CLPP: variants seen among roughly 807,000 people sequenced by gnomAD.
CLPP encodes caseinolytic mitochondrial matrix peptidase proteolytic subunit.
A neutral mutation model predicts 27.4 loss-of-function variants in CLPP; 14 were observed. That is an observed-to-expected ratio of 0.51 (90% CI 0.34 to 0.80). The LOEUF (loss-of-function observed/expected upper bound fraction) is 0.80, where lower values mean the gene tolerates loss of function less well. Among genes scored for constraint, CLPP ranks in the 30% least tolerant of loss-of-function variants. The probability of loss-of-function intolerance (pLI) is 0.02; values close to 1 mark genes in which losing one functional copy is unlikely to be tolerated. For missense variants in CLPP, 361 were observed against 403.6 expected (o/e 0.89, Z 0.90); for synonymous variants, 193 against 166.6 (o/e 1.16, Z -1.22).
intron 2 of CLPP, chr19:6,362,179 A>C: frequency 1.7e-6 from 1 of 588,622 alleles, no homozygotes; most frequent in East Asian, 2.8e-5. Context: ...CGCTCCCCTC[A>C]TTCCTACGCT....
rs1332188896 is a variant in CLPP at position 6,368,622 on chromosome 19, C to T, written c.746C>T (p.Pro249Leu). Residue 249 changes from proline to leucine, a missense_variant, in exon 6 of 6, where the codon CCC (proline) becomes CTC (leucine). Coordinates refer to ENST00000245816, the MANE Select transcript of CLPP (RefSeq NM_006012.4). ...GILDKVLVHP[P>L]QDGEDEPTLV... ...TTAGACAAGGTTCTGGTCCACCCTCCCCAGGACGGTGAGGATGAGCCCACG... is the reference window on the plus strand; with the variant it reads ...TTAGACAAGGTTCTGGTCCACCCTCTCCAGGACGGTGAGGATGAGCCCACG... 6.2e-7 allele frequency: 1 copy of T among 1,612,394 alleles called. No individual in the cohort carries two copies. The highest frequency in any genetic ancestry group is 8.5e-7 in the Non-Finnish European group (1 of 1,179,378).
At position 6,369,414 on chromosome 19, in the gene CLPP, CAAA is replaced by C. The variant is rs61441319; in HGVS notation, c.*717_*719del. Among the ~76,000 whole-genome samples the C allele has an allele frequency of 2.6e-5, 3 of 115,152 alleles. No individual in the cohort carries two copies. Among genetic ancestry groups the C allele is most frequent in the Non-Finnish European group, 3.9e-5 (2 of 50,976 alleles). 75.5% of individuals were successfully genotyped at this position (115,152 alleles called of 152,430 possible). ...TGGGCAACAGAGCAAGGCTCTGTCT[CAAA>C]AAAAAAAAAAAACAAAAACAGGAAA... On this transcript the variant is annotated 3_prime_UTR_variant, in exon 6 of 6. Coordinates refer to ENST00000245816, the MANE Select transcript of CLPP (RefSeq NM_006012.4).
chr19:6,361,783 C>A lies in CLPP; in HGVS notation c.198+11C>A. On this transcript the variant is annotated intron_variant, in intron 1 of 5. Transcript: ENST00000245816. ...GTGGTGGAGCAGACGGTACGGCGGC[C>A]GGGCGGGGACACGGTTCGGGGGCTC... is the stretch of plus-strand genomic sequence containing the variant. 1.4e-6 allele frequency: 2 copies of A among 1,421,500 alleles called. No homozygotes were observed. Among genetic ancestry groups the A allele is most frequent in the Non-Finnish European group, 9.3e-7 (1 of 1,071,984 alleles). The allele number at this position is 1,421,500 out of a possible 1,614,324, so 88.1% of individuals were successfully genotyped here.
rs1471340035 is a variant in CLPP, at chr19:6,369,910, G to A, written c.*1200G>A. Among the ~76,000 whole-genome samples, 1 of 152,182 alleles carries A rather than the reference G, an allele frequency of 6.6e-6. No homozygotes were observed. The highest frequency in any genetic ancestry group is 2.4e-5 in the African/African-American group (1 of 41,446). On this transcript the variant is annotated 3_prime_UTR_variant, in exon 6 of 6. Transcript: ENST00000245816. ...GAGGAAGGAAAATAAGGATGACTAT[G>A]ACTCCTGAGGAGTGCACCATGAGCA...
At chr19:6,366,416 T>G (rs2091863011) in intron 5 of CLPP, 53 bp downstream of exon 5, 1 of 1,408,110 alleles carries the variant, frequency 7.1e-7, no homozygotes, top group South Asian at 1.2e-5. Flanking sequence ...GACCAGGCGT[T>G]GCTCTAAGCC....
chr19:6,370,126 AG>A lies in CLPP; in HGVS notation c.*1418del, dbSNP rs2145057128. On this transcript the variant is annotated 3_prime_UTR_variant, in exon 6 of 6. Coordinates refer to ENST00000245816, the MANE Select transcript of CLPP (RefSeq NM_006012.4). Reference sequence around the variant, plus strand: ...CGCCTGAGATGGGAAGTGTAGGCAAAGGAACAGGCTTGGGGAGGGATCAGGA... The same window carrying A: ...CGCCTGAGATGGGAAGTGTAGGCAAAGAACAGGCTTGGGGAGGGATCAGGA... 6.6e-6 allele frequency among the ~76,000 whole-genome samples: 1 copy of A among 152,348 alleles called. No homozygotes were observed. Among genetic ancestry groups the A allele is most frequent in the African/African-American group, 2.4e-5 (1 of 41,590 alleles).
At position 6,368,808 on chromosome 19, in the gene CLPP, C is replaced by T; in HGVS notation, c.*98C>T. Reference sequence around the variant, plus strand: ...CCCCTTGTTGCTGGGCTTGGAGGGGCCTCTTGAGGAACTTTTAATTTGCAG... The same window carrying T: ...CCCCTTGTTGCTGGGCTTGGAGGGGTCTCTTGAGGAACTTTTAATTTGCAG... On this transcript the variant is annotated 3_prime_UTR_variant, in exon 6 of 6. Transcript: ENST00000245816. 1 of 1,165,092 alleles carries T rather than the reference C, an allele frequency of 8.6e-7. No homozygotes were observed. The allele number at this position is 1,165,092 out of a possible 1,614,324, so 72.2% of individuals were successfully genotyped here.
At chr19:6,366,013 C>T (rs1046635981) in intron 4 of CLPP, among the ~76,000 whole-genome samples, 2 of 151,812 alleles carry the variant, frequency 1.3e-5, no homozygotes, top group African/African-American at 4.8e-5. Context: ...CAGAGAGACA[C>T]TGTTCCTCCC....
rs1313750003 is a variant in CLPP at position 6,361,753 on chromosome 19, C to T, written c.179C>T (p.Pro60Leu). ...GCGACCCGGGCTCTCCCGCTCATTCCCATCGTGGTGGAGCAGACGGTACGG... is the reference window on the plus strand; with the variant it reads ...GCGACCCGGGCTCTCCCGCTCATTCTCATCGTGGTGGAGCAGACGGTACGG... ...ATATRALPLI[P>L]IVVEQTGRGE... Residue 60 changes from proline to leucine, a missense_variant, in exon 1 of 6, where the codon CCC (proline) becomes CTC (leucine). Around this residue, in one of 2 missense-constraint regions of CLPP, gnomAD observed 148 missense variants for 122.6 expected, o/e 1.21. Coordinates refer to ENST00000245816, the MANE Select transcript of CLPP (RefSeq NM_006012.4). 1.3e-6 allele frequency: 2 copies of T among 1,533,100 alleles called. No individual in the cohort carries two copies. Among genetic ancestry groups the T allele is most frequent in the Admixed American group, 2.0e-5 (1 of 51,258 alleles). The allele number at this position is 1,533,100 out of a possible 1,614,324, so 95.0% of individuals were successfully genotyped here.
chr19:6,362,669 G>C lies in CLPP; in HGVS notation c.367+127G>C, dbSNP rs1479579368. 5.7e-6 allele frequency: 4 copies of C among 698,674 alleles called. No individual in the cohort carries two copies. In the East Asian group the frequency reaches 1.1e-4, roughly 19 times the overall value. The allele number at this position is 698,674 out of a possible 1,614,324, so 43.3% of individuals were successfully genotyped here. ...GGTGCAGAGCGTCAGAGTTCCAGAAGTGGCTTTAAACCACCAAAAGGTGCC... is the reference window on the plus strand; with the variant it reads ...GGTGCAGAGCGTCAGAGTTCCAGAACTGGCTTTAAACCACCAAAAGGTGCC... On this transcript the variant is annotated intron_variant, in intron 3 of 5. Transcript: ENST00000245816.
Position 6,368,761 on chromosome 19 carries a change from AC to A in CLPP, c.*56del, listed in dbSNP as rs2091874233. ...TGTGGAGGGGCCAGAGGCCTGCCAGACCCCCAGCTGGGCCCTGCTCACCCCT... is the reference window on the plus strand; with the variant it reads ...TGTGGAGGGGCCAGAGGCCTGCCAGACCCCAGCTGGGCCCTGCTCACCCCT... On this transcript the variant is annotated 3_prime_UTR_variant, in exon 6 of 6. Coordinates refer to ENST00000245816, the MANE Select transcript of CLPP (RefSeq NM_006012.4). The A allele has an allele frequency of 6.6e-7, 1 of 1,512,870 alleles. No individual in the cohort carries two copies. The highest frequency in any genetic ancestry group is 1.4e-5 in the African/African-American group (1 of 71,968). The allele number at this position is 1,512,870 out of a possible 1,614,324, so 93.7% of individuals were successfully genotyped here. A position where few individuals can be genotyped will look rare whatever the true frequency, so the allele number is the denominator to read the frequency against.
At chr19:6,362,281 T>C in intron 2 of CLPP, 165 bp from the exon 3 acceptor site, 1 of 553,626 alleles carries the variant, frequency 1.8e-6, no homozygotes, top group Non-Finnish European at 3.2e-6. Context: ...CCCTGGGTCC[T>C]CTCCACTACT....
intron 4 of CLPP, 42 bp from the exon 5 acceptor site, chr19:6,366,216 G>A (rs775611590): frequency 1.9e-5 from 27 of 1,424,654 alleles, no homozygotes; most frequent in Middle Eastern, 1.8e-4. Flanking sequence ...GGCTGACGCC[G>A]ATACCAACCT....
At chr19:6,361,839 G>C (rs776338771) in intron 1 of CLPP, 30 bp from the exon 2 acceptor site, 3 of 1,422,232 alleles carry the variant, frequency 2.1e-6, no homozygotes, top group Non-Finnish European at 2.9e-6. Context: ...TGGCTGCCCC[G>C]GCCCCTCACC....
At chr19:6,366,453 A>C (rs1272298783) in intron 5 of CLPP, 90 bp downstream of exon 5, 40 of 964,832 alleles carry the variant, frequency 4.1e-5, no homozygotes, top group Non-Finnish European at 6.0e-5. Flanking sequence ...GCCCCTGCGG[A>C]CTTTCAGGGC....
At chr19:6,364,130 A>G (rs546776100) in intron 3 of CLPP, among the ~76,000 whole-genome samples, 13 of 147,818 alleles carry the variant, frequency 8.8e-5, no homozygotes, top group African/African-American at 3.3e-4. Flanking sequence ...TCCCGGGTTC[A>G]CGCCATTCTG....
At position 6,368,564 on chromosome 19, in the gene CLPP, A is replaced by T; in HGVS notation, c.688A>T (p.Met230Leu). Residue 230 changes from methionine to leucine, a missense_variant, in exon 6 of 6, where the codon ATG (methionine) becomes TTG (leucine). Met to Leu is a conservative substitution (Grantham distance 15). Coordinates refer to ENST00000245816, the MANE Select transcript of CLPP (RefSeq NM_006012.4). ...GTCCGCCATGGAGAGGGACCGCTACATGAGCCCCATGGAGGCCCAGGAGTT... is the reference window on the plus strand; with the variant it reads ...GTCCGCCATGGAGAGGGACCGCTACTTGAGCCCCATGGAGGCCCAGGAGTT... ...IESAMERDRY[M>L]SPMEAQEFGI... The T allele has an allele frequency of 6.2e-7, 1 of 1,614,074 alleles. No homozygotes were observed. Among genetic ancestry groups the T allele is most frequent in the East Asian group, 2.2e-5 (1 of 44,872 alleles).
At chr19:6,364,396 TA>T in intron 3 of CLPP, 55 bp from the exon 4 acceptor site, 1 of 1,513,526 alleles carries the variant, frequency 6.6e-7, no homozygotes, top group Non-Finnish European at 9.0e-7. Context: ...GGAGATGGAA[TA>T]GGGAAAGGGT....
rs774149133 is a variant in CLPP at position 6,368,741 on chromosome 19, A to AG, written c.*35dup. The AG allele has an allele frequency of 1.1e-4, 163 of 1,538,996 alleles. 2 individuals are homozygous for AG. The East Asian group carries it at 1.6e-3, about 16-fold the overall frequency. ...GGGCCTCCTCTCCAGAATCATGTGGAGGGGCCAGAGGCCTGCCAGACCCCC... is the reference window on the plus strand; with the variant it reads ...GGGCCTCCTCTCCAGAATCATGTGGAGGGGGCCAGAGGCCTGCCAGACCCCC... On this transcript the variant is annotated 3_prime_UTR_variant, in exon 6 of 6. Coordinates refer to ENST00000245816, the MANE Select transcript of CLPP (RefSeq NM_006012.4).
Sources: gnomAD v4.1 joint callset for allele counts (sites outside exome capture counted in the v4.1 genomes callset) on GRCh38, gnomAD v4.1.1 for gene constraint, gnomAD v4.1.1 regional missense constraint, MANE v1.5 for transcripts, NCBI Gene and HGNC (gene_info 2026-07-23, HGNC 2026-07-21) for gene names.